SELENBP1: variants seen among roughly 807,000 people sequenced by gnomAD.
SELENBP1 encodes the protein methanethiol oxidase.
SELENBP1 carries 71 observed loss-of-function variants against 61.0 expected under a neutral mutation model. The ratio of observed to expected loss-of-function variants is 1.16; its 90% CI spans 0.96 to 1.42. The LOEUF (loss-of-function observed/expected upper bound fraction) is 1.42, where lower values mean the gene tolerates loss of function less well. Ranked by LOEUF, SELENBP1 falls within the 40% of genes most tolerant of loss-of-function variation. The probability of loss-of-function intolerance (pLI) is 0.00; values close to 1 mark genes in which losing one functional copy is unlikely to be tolerated. For missense variants in SELENBP1, 561 were observed against 605.0 expected (o/e 0.93, Z 0.76); for synonymous variants, 270 against 238.9 (o/e 1.13, Z -1.20).
chr1:151,366,598 C>T (rs1020648786), intron 6 of SELENBP1, 124 bp downstream of exon 6: 11 of 1,384,548 alleles, frequency 7.9e-6, no homozygotes, highest in African/African-American at 1.4e-5. Context: ...GCATGCGGTA[C>T]ATCCTATGCC....
chr1:151,368,897 G>C, intron 4 of SELENBP1, 107 bp downstream of exon 4: 1 of 1,205,722 alleles, frequency 8.3e-7, no homozygotes, highest in Non-Finnish European at 1.2e-6. Flanking sequence ...GCCAGTTGCC[G>C]CGTAAGAGCT....
chr1:151,369,136 T>A lies in SELENBP1; in HGVS notation c.228A>T (p.Gly76=), dbSNP rs753024934. Residue 76 remains glycine, a synonymous_variant, in exon 4 of 12, where the codon GGA becomes GGT. Transcript: ENST00000368868. ...PNLKDELHHS[G]WNTCSSCFGD... is the part of the protein sequence containing the mutation. ...CGAAGCAGCTGCTGCAGGTGTTCCA[T>A]CCTGAGTGATGCAGCTCGTCCTTCA... 5.0e-6 allele frequency: 8 copies of A among 1,613,888 alleles called. No homozygotes were observed. Among genetic ancestry groups the A allele is most frequent in the South Asian group, 4.4e-5 (4 of 91,084 alleles).
At chr1:151,366,196 G>C in intron 7 of SELENBP1, 79 bp downstream of exon 7, 1 of 1,519,054 alleles carries the variant, frequency 6.6e-7, no homozygotes, top group Non-Finnish European at 8.9e-7. Context: ...AGACGCCTGG[G>C]AGCACCGTTA....
Position 151,369,158 on chromosome 1 carries a change from T to C in SELENBP1, c.206A>G (p.Lys69Arg). The change falls in exon 4 of 12, where the codon AAG (lysine) becomes AGG (arginine). Residue 69 changes from lysine to arginine, a missense_variant. Lys to Arg is a conservative substitution (Grantham distance 26). Coordinates refer to ENST00000368868, the MANE Select transcript of SELENBP1 (RefSeq NM_003944.4). ...VIHRLPMPNL[K>R]DELHHSGWNT... The stretch of plus-strand genomic sequence containing the variant: ...CCATCCTGAGTGATGCAGCTCGTCC[T>C]TCAGGTTGGGCATGGGCAGCCGGTG... 3.1e-6 allele frequency: 5 copies of C among 1,612,884 alleles called. No homozygotes were observed. Among genetic ancestry groups the C allele is most frequent in the Non-Finnish European group, 3.4e-6 (4 of 1,179,116 alleles).
At chr1:151,370,856 G>A (rs1385124654) in intron 1 of SELENBP1, among the ~76,000 whole-genome samples, 1 of 152,194 alleles carries the variant, frequency 6.6e-6, no homozygotes. Context: ...TAGGCAGAGT[G>A]GGGCCTCCAC....
chr1:151,367,881 G>A (rs1571283211), intron 5 of SELENBP1, among the ~76,000 whole-genome samples: 1 of 152,154 alleles, frequency 6.6e-6, no homozygotes, highest in Admixed American at 6.5e-5. Flanking sequence ...TGGCCAGGCT[G>A]GTTTGGAACT....
intron 5 of SELENBP1, chr1:151,367,204 C>T (rs1344636298): frequency 3.1e-6 from 1 of 325,264 alleles, no homozygotes; most frequent in Non-Finnish European, 5.2e-6. Context: ...ATTACCCAGG[C>T]ATGGCGTCAC....
In SELENBP1 at chr1:151,364,403, A is replaced by T. The variant is rs1651684258; in HGVS notation, c.*140T>A. 1.0e-6 allele frequency: 1 copy of T among 996,544 alleles called. No individual in the cohort carries two copies. The highest frequency in any genetic ancestry group is 2.4e-5 in the East Asian group (1 of 41,872). 61.7% of individuals were successfully genotyped at this position (996,544 alleles called of 1,614,324 possible). On this transcript the variant is annotated 3_prime_UTR_variant, in exon 12 of 12. Transcript: ENST00000368868. ...CAACAGTGGTCAGTAAATGTATATG[A>T]CTCAACACATTGCCACAGTCTCAGC...
At chr1:151,369,232 T>C in intron 3 of SELENBP1, 43 bp from the exon 4 acceptor site, 1 of 1,576,666 alleles carries the variant, frequency 6.3e-7, no homozygotes, top group South Asian at 1.1e-5. Context: ...GCCACGCCTC[T>C]GTCCACTTTT....
At chr1:151,370,074 C>T (rs529351830) in intron 1 of SELENBP1, 119 of 1,258,184 alleles carry the variant, frequency 9.5e-5, no homozygotes, top group African/African-American at 4.8e-4. Context: ...GACACGGACT[C>T]GGGGCCCAAC....
At chr1:151,364,830 G>C (rs1651712844) in intron 11 of SELENBP1, 96 bp downstream of exon 11, 2 of 1,471,798 alleles carry the variant, frequency 1.4e-6, no homozygotes, top group Non-Finnish European at 1.9e-6. Flanking sequence ...TCTGTGTGGT[G>C]GGGTACAGGG....
chr1:151,365,960 C>T (rs778963398), intron 7 of SELENBP1, 114 bp from the exon 8 acceptor site: 116 of 1,131,858 alleles, frequency 1.0e-4, no homozygotes, highest in Non-Finnish European at 1.4e-4. Context: ...AATAGATGCC[C>T]GGCCTTCTTG....
Position 151,364,467 on chromosome 1 carries a change from A to G in SELENBP1, c.*76T>C, listed in dbSNP as rs1651686908. On this transcript the variant is annotated 3_prime_UTR_variant, in exon 12 of 12. Coordinates refer to ENST00000368868, the MANE Select transcript of SELENBP1 (RefSeq NM_003944.4). ...ACATGCTGCCAAGGGTCGGGTGCCA[A>G]GAGAGAGCAGAATGAAGCCAGGTCC... 5 of 1,586,688 alleles carry G rather than the reference A, an allele frequency of 3.2e-6. No individual in the cohort carries two copies. The highest frequency in any genetic ancestry group is 1.3e-5 in the African/African-American group (1 of 74,500).
intron 7 of SELENBP1, 73 bp downstream of exon 7, chr1:151,366,202 C>T (rs1268637845): frequency 7.2e-6 from 11 of 1,537,774 alleles, no homozygotes; most frequent in African/African-American, 2.8e-5. Context: ...CTGGGAGCAC[C>T]GTTACAGAAG....
intron 7 of SELENBP1, 73 bp downstream of exon 7, chr1:151,366,202 C>A: frequency 6.5e-7 from 1 of 1,537,892 alleles, no homozygotes; most frequent in South Asian, 1.2e-5. Context: ...CTGGGAGCAC[C>A]GTTACAGAAG....
intron 1 of SELENBP1, chr1:151,370,349 G>C (rs1442776837): frequency 1.2e-5 from 2 of 167,840 alleles, no homozygotes; most frequent in African/African-American, 4.8e-5. Context: ...CTATATCAGG[G>C]GGAGGCCACT....
chr1:151,372,436 G>C (rs141702929), intron 1 of SELENBP1, among the ~76,000 whole-genome samples: 2 of 152,088 alleles, frequency 1.3e-5, no homozygotes, highest in Non-Finnish European at 2.9e-5. Flanking sequence ...GCCTCTGCCC[G>C]TCTTCCTCAG....
Position 151,366,956 on chromosome 1 carries a change from C to T in SELENBP1, c.482-52G>A, listed in dbSNP as rs1571281829. 3.8e-6 allele frequency: 6 copies of T among 1,590,452 alleles called. No homozygotes were observed. The South Asian group carries it at 5.7e-5, about 15-fold the overall frequency. Reference sequence around the variant, plus strand: ...AGGTAGAAGCAGTAGAGACACTAACCCCACCCTCCAGCCCTCTCCCCGAGG... The same window carrying T: ...AGGTAGAAGCAGTAGAGACACTAACTCCACCCTCCAGCCCTCTCCCCGAGG... On this transcript the variant is annotated intron_variant, in intron 5 of 11. Coordinates refer to ENST00000368868, the MANE Select transcript of SELENBP1 (RefSeq NM_003944.4).
Position 151,368,282 on chromosome 1 carries a change from A to T in SELENBP1, c.398T>A (p.Leu133Gln). ...GCAGTGGCTGGTGTGGAGAAAGGCC[A>T]GTTCGCACTTGGCATGGATGTCCTT... Reference protein sequence around the residue: ...EPKDIHAKCELAFLHTSHCLA... With the variant: ...EPKDIHAKCEQAFLHTSHCLA... The change falls in exon 5 of 12, where the codon CTG becomes CAG. Residue 133 changes from leucine (L) to glutamine (Q), a missense_variant. Leu to Gln is a moderately radical substitution (Grantham distance 113, BLOSUM62 -2). Coordinates refer to ENST00000368868, the MANE Select transcript of SELENBP1 (RefSeq NM_003944.4). 6.2e-7 allele frequency: 1 copy of T among 1,614,204 alleles called. No individual in the cohort carries two copies. Among genetic ancestry groups the T allele is most frequent in the Non-Finnish European group, 8.5e-7 (1 of 1,180,036 alleles).
Sources: allele counts gnomAD v4.1 joint callset (sites outside exome capture counted in the v4.1 genomes callset), GRCh38; gene constraint gnomAD v4.1.1; transcripts MANE v1.5; gene names NCBI Gene and HGNC (gene_info 2026-07-23, HGNC 2026-07-21).